The following SUGCT variants were observed in gnomAD, a reference collection of about 807,000 sequenced individuals.
The protein encoded by SUGCT is succinyl-CoA:glutarate-CoA transferase, also known as succinyl-CoA:glutarate CoA-transferase.
Under a neutral mutation model 55.0 loss-of-function variants are expected in SUGCT, and 41 were observed. The ratio of observed to expected loss-of-function variants is 0.74; its 90% CI spans 0.58 to 0.97. SUGCT has a LOEUF of 0.97. SUGCT is among the 50% of genes least tolerant of loss of function. The probability of loss-of-function intolerance (pLI) is 0.00; values close to 1 mark genes in which losing one functional copy is unlikely to be tolerated. For synonymous variants in SUGCT, 187 were observed against 200.4 expected, an observed-to-expected ratio of 0.93 and a Z score of 0.56; for missense variants, 568 against 547.8, an observed-to-expected ratio of 1.04 and a Z score of -0.37.
intron 13 of SUGCT, among the ~76,000 whole-genome samples, chr7:40,812,442 C>T (rs1000569189): frequency 2.0e-5 from 3 of 151,876 alleles, no homozygotes; most frequent in Non-Finnish European, 4.4e-5. Context: ...CTTCCTGATT[C>T]GATTTTGGGA....
chr7:40,777,743 A>G (rs1302868524), intron 13 of SUGCT, among the ~76,000 whole-genome samples: 1 of 151,740 alleles, frequency 6.6e-6, no homozygotes, highest in Non-Finnish European at 1.5e-5. Flanking sequence ...TTCTCAAGGC[A>G]TTCTTGGTTA....
chr7:40,214,466 T>G (rs1334012205), intron 6 of SUGCT, among the ~76,000 whole-genome samples: 1 of 152,080 alleles, frequency 6.6e-6, no homozygotes, highest in African/African-American at 2.4e-5. Flanking sequence ...CACAAAGAGG[T>G]TATGTCACTT....
At chr7:40,289,430 C>A (rs1793581984) in intron 8 of SUGCT, among the ~76,000 whole-genome samples, 1 of 151,974 alleles carries the variant, frequency 6.6e-6, no homozygotes, top group African/African-American at 2.4e-5. Flanking sequence ...CTAATTTGAA[C>A]AATGGTAAAA....
intron 12 of SUGCT, among the ~76,000 whole-genome samples, chr7:40,618,793 T>G (rs1799128711): frequency 6.6e-6 from 1 of 152,236 alleles, no homozygotes; most frequent in Non-Finnish European, 1.5e-5. Flanking sequence ...ACTACATTAT[T>G]TGAGCTAATC....
chr7:40,962,594 CACACACACACACACACAT>C, the SUGCT span, among the ~76,000 whole-genome samples: 1 of 150,804 alleles, frequency 6.6e-6, no homozygotes, highest in Non-Finnish European at 1.5e-5. Flanking sequence ...CACACACACA[CACACACACACACACACAT>C]CAGAAAAATG....
chr7:40,230,526 G>T (rs1045906374), intron 6 of SUGCT, among the ~76,000 whole-genome samples: 2 of 152,194 alleles, frequency 1.3e-5, no homozygotes, highest in African/African-American at 4.8e-5. Flanking sequence ...GCAGGCTATC[G>T]CAGGACATGA....
At chr7:40,976,382 T>G in the SUGCT span, among the ~76,000 whole-genome samples, 137 of 152,322 alleles carry the variant, frequency 9.0e-4, 2 homozygotes, top group East Asian at 0.024. Context: ...ATCTGTGCAG[T>G]AAGAATAAAA....
the SUGCT span, among the ~76,000 whole-genome samples, chr7:40,950,996 C>T: frequency 6.6e-6 from 1 of 152,044 alleles, no homozygotes; most frequent in Non-Finnish European, 1.5e-5. Context: ...GAAGGATTCC[C>T]TCTTTTCCTA....
At chr7:40,439,832 T>C (rs1017617500) in intron 9 of SUGCT, among the ~76,000 whole-genome samples, 1 of 152,192 alleles carries the variant, frequency 6.6e-6, no homozygotes, top group Non-Finnish European at 1.5e-5. Context: ...GATGTCTGTG[T>C]GTGCTTGCTC....
At chr7:40,313,619 TTTTG>T (rs1462405872) in intron 8 of SUGCT, among the ~76,000 whole-genome samples, 5 of 138,414 alleles carry the variant, frequency 3.6e-5, no homozygotes, top group Middle Eastern at 3.5e-3. Flanking sequence ...ACTTTGGTTT[TTTTG>T]TTTGTTTGTT....
the SUGCT span, among the ~76,000 whole-genome samples, chr7:40,887,964 G>A: frequency 5.9e-5 from 9 of 151,458 alleles, no homozygotes; most frequent in Non-Finnish European, 8.8e-5. Flanking sequence ...GCTCACTATG[G>A]CAGGTGTGGC....
intron 6 of SUGCT, among the ~76,000 whole-genome samples, chr7:40,231,983 C>T (rs1242518027): frequency 3.9e-5 from 6 of 152,062 alleles, no homozygotes; most frequent in African/African-American, 4.8e-5. Context: ...TGCCTGTGGT[C>T]ACAGTTACTT....
chr7:40,451,731 A>G lies in SUGCT; in HGVS notation c.888+2373A>G, dbSNP rs574837496. Among the ~76,000 whole-genome samples the G allele has an allele frequency of 2.6e-5, 4 of 152,356 alleles. No individual in the cohort carries two copies. The East Asian group carries it at 7.7e-4, about 29-fold the overall frequency. On this transcript the variant is annotated intron_variant, in intron 10 of 13. Coordinates refer to ENST00000335693, the MANE Select transcript of SUGCT (RefSeq NM_001193313.2). The stretch of plus-strand genomic sequence containing the variant: ...TCTTTGTAATTATGCCCTCACATGT[A>G]AACTTGTCCTAAACACCTTCTTACC...
At chr7:40,730,694 C>T (rs1786847865) in intron 12 of SUGCT, among the ~76,000 whole-genome samples, 1 of 152,186 alleles carries the variant, frequency 6.6e-6, no homozygotes, top group Non-Finnish European at 1.5e-5. Context: ...CTCTCTACCA[C>T]CCTCTCCCTT....
chr7:40,867,920 A>T, the SUGCT span, among the ~76,000 whole-genome samples: 1 of 152,196 alleles, frequency 6.6e-6, no homozygotes, highest in Admixed American at 6.5e-5. Flanking sequence ...TATCGTAGTC[A>T]CTATTGTATC....
the SUGCT span, among the ~76,000 whole-genome samples, chr7:40,990,303 T>C: frequency 2.6e-5 from 4 of 152,242 alleles, no homozygotes; most frequent in African/African-American, 7.2e-5. Flanking sequence ...ATTAGTTTGG[T>C]GCAAAAGTAT....
At chr7:40,533,372 A>C (rs928931264) in intron 12 of SUGCT, among the ~76,000 whole-genome samples, 6 of 152,090 alleles carry the variant, frequency 3.9e-5, no homozygotes, top group Non-Finnish European at 4.4e-5. Context: ...TAATCAATCT[A>C]ATTGATATTT....
Position 40,381,870 on chromosome 7 carries a change from C to T in SUGCT, c.816+65015C>T, listed in dbSNP as rs528366518. Among the ~76,000 whole-genome samples the T allele has an allele frequency of 3.3e-5, 5 of 152,048 alleles. No homozygotes were observed. In the South Asian group the frequency reaches 6.2e-4, roughly 19 times the overall value. ...AGTATTTTTTTATGTTAATCATTTT[C>T]GGTTTATTTCATATATGTTTTTTCT... is the stretch of plus-strand genomic sequence containing the variant. On this transcript the variant is annotated intron_variant, in intron 9 of 13. Coordinates refer to ENST00000335693, the MANE Select transcript of SUGCT (RefSeq NM_001193313.2).
At chr7:40,951,175 G>C in the SUGCT span, among the ~76,000 whole-genome samples, 3 of 152,018 alleles carry the variant, frequency 2.0e-5, no homozygotes, top group African/African-American at 7.2e-5. Flanking sequence ...ACTTCTTCCT[G>C]GTTTAGTCTT....
Sources: gnomAD v4.1 joint callset for allele counts (sites outside exome capture counted in the v4.1 genomes callset) on GRCh38, gnomAD v4.1.1 for gene constraint, MANE v1.5 for transcripts, NCBI Gene and HGNC (gene_info 2026-07-23, HGNC 2026-07-21) for gene names.